The following TBCD variants were observed in gnomAD, a reference collection of about 807,000 sequenced individuals.
TBCD encodes the protein tubulin-specific chaperone D.
A neutral mutation model predicts 169.3 loss-of-function variants in TBCD; 105 were observed. The observed-to-expected ratio is 0.62, with a 90% confidence interval of 0.53 to 0.73. The LOEUF is 0.73. Ranked by LOEUF, TBCD falls within the 30% of genes least tolerant of loss-of-function variation. The pLI is 0.00. For synonymous variants in TBCD, 700 were observed against 643.9 expected (o/e 1.09, Z -1.32); for missense variants, 1,444 against 1,600.1 (o/e 0.90, Z 1.66).
rs1168998995 is a variant in TBCD, at chr17:82,805,892, G to A, written c.968G>A (p.Arg323Gln). The change falls in exon 10 of 39, where the codon CGA becomes CAA. Residue 323 changes from arginine to glutamine, a missense_variant. Transcript: ENST00000355528. ...VAAWRYQRGC[R>Q]SLAANLQLLT... ...TTGCACAGGTACCAGCGTGGCTGCC[G>A]ATCTTTGGCTGCAAATCTGCAGCTC... is the stretch of plus-strand genomic sequence containing the variant. The A allele has an allele frequency of 1.9e-6, 3 of 1,609,296 alleles. No homozygotes were observed. The highest frequency in any genetic ancestry group is 2.2e-5 in the East Asian group (1 of 44,672).
In TBCD at chr17:82,772,443, T is replaced by C. The variant is rs1387630304; in HGVS notation, c.583-9T>C. The C allele has an allele frequency of 6.2e-7, 1 of 1,613,782 alleles. No individual in the cohort carries two copies. The highest frequency in any genetic ancestry group is 8.5e-7 in the Non-Finnish European group (1 of 1,179,852). On this transcript the variant is annotated splice_polypyrimidine_tract_variant and intron_variant, in intron 5 of 38. Coordinates refer to ENST00000355528, the MANE Select transcript of TBCD (RefSeq NM_005993.5). ...AGTGACCGTGTCTGTGCTTCACCCT[T>C]TCTTGCAGTCCTACTTGATTGTCAG...
chr17:82,850,026 G>GGCTGTGCTGCTGTTGGCTGTGCTGT (rs2055555346), intron 13 of TBCD, among the ~76,000 whole-genome samples: 2 of 123,516 alleles, frequency 1.6e-5, no homozygotes, highest in Admixed American at 8.2e-5. Context: ...TGCTGTTGTT[G>GGCTGTGCTGCTGTTGGCTGTGCTGT]GCTGTGCTGT....
At position 82,805,908 on chromosome 17, in the gene TBCD, T is replaced by C. The variant is rs767069659; in HGVS notation, c.984T>C (p.Asn328=). ...YQRGCRSLAA[N]LQLLTQGQSE... ...GTGGCTGCCGATCTTTGGCTGCAAA[T>C]CTGCAGCTCCTCACTCAGGGTCAGA... Residue 328 remains asparagine, a synonymous_variant, in exon 10 of 39, where the codon AAT becomes AAC. Coordinates refer to ENST00000355528, the MANE Select transcript of TBCD (RefSeq NM_005993.5). The C allele has an allele frequency of 6.2e-6, 10 of 1,611,404 alleles. No individual in the cohort carries two copies. In the Admixed American group the frequency reaches 6.7e-5, roughly 11 times the overall value.
chr17:82,899,435 G>A (rs1259628854), intron 17 of TBCD, among the ~76,000 whole-genome samples: 4 of 151,426 alleles, frequency 2.6e-5, no homozygotes, highest in South Asian at 2.1e-4. Context: ...GCTCAGCATC[G>A]TGCGCCTGGG....
intron 13 of TBCD, among the ~76,000 whole-genome samples, chr17:82,817,022 AT>A (rs2051972563): frequency 6.6e-6 from 1 of 152,104 alleles, no homozygotes; most frequent in African/African-American, 2.4e-5. Context: ...TTAAAAAAAT[AT>A]TTTTTTAATT....
At chr17:82,859,419 A>G (rs1477571668) in intron 13 of TBCD, among the ~76,000 whole-genome samples, 1 of 129,058 alleles carries the variant, frequency 7.7e-6, no homozygotes, top group East Asian at 2.6e-4. Flanking sequence ...TCCTCCCCGC[A>G]CTGGCTTTCA....
intron 38 of TBCD, 71 bp downstream of exon 38, chr17:82,941,554 G>C (rs748426528): frequency 5.9e-6 from 8 of 1,366,458 alleles, no homozygotes; most frequent in Non-Finnish European, 8.0e-6. Context: ...GGGGCCAGCG[G>C]CTGTGCTTAG....
intron 2 of TBCD, among the ~76,000 whole-genome samples, chr17:82,757,583 C>T (rs1367273741): frequency 6.6e-6 from 1 of 150,576 alleles, no homozygotes. Flanking sequence ...GATCACGTCA[C>T]TGCACTCCAG....
intron 13 of TBCD, among the ~76,000 whole-genome samples, chr17:82,845,109 G>T (rs573183719): frequency 2.6e-5 from 4 of 152,168 alleles, no homozygotes; most frequent in African/African-American, 9.7e-5. Context: ...AGGTGCTGGC[G>T]CCGCGGCCTC....
At chr17:82,795,474 G>A in intron 7 of TBCD, 1 of 955,544 alleles carries the variant, frequency 1.0e-6, no homozygotes, top group Non-Finnish European at 1.2e-6. Flanking sequence ...GGGTTTTCCA[G>A]CAGCCTCTGT....
intron 14 of TBCD, among the ~76,000 whole-genome samples, chr17:82,871,654 TGGGCG>T (rs1175310406): frequency 9.2e-5 from 14 of 152,346 alleles, no homozygotes; most frequent in African/African-American, 3.1e-4. Context: ...CCTTTTGGTC[TGGGCG>T]GGGCGGGGCG....
chr17:82,933,154 C>A (rs1226764854), intron 34 of TBCD, among the ~76,000 whole-genome samples: 1 of 152,134 alleles, frequency 6.6e-6, no homozygotes, highest in Non-Finnish European at 1.5e-5. Context: ...ATTGGAGCTC[C>A]TTGCTTCTGC....
At chr17:82,869,555 G>A (rs912871908) in intron 13 of TBCD, among the ~76,000 whole-genome samples, 1 of 152,240 alleles carries the variant, frequency 6.6e-6, no homozygotes, top group African/African-American at 2.4e-5. Flanking sequence ...ACACTTGTGT[G>A]ATGTCAGATT....
intron 21 of TBCD, among the ~76,000 whole-genome samples, chr17:82,908,638 G>A (rs528425298): frequency 1.3e-5 from 2 of 152,320 alleles, no homozygotes; most frequent in African/African-American, 2.4e-5. Context: ...CACTTTTAAT[G>A]TGGTGTCTGG....
chr17:82,838,779 A>C (rs2054201281), intron 13 of TBCD: 1 of 985,318 alleles, frequency 1.0e-6, no homozygotes, highest in South Asian at 4.7e-5. Flanking sequence ...CCAGAAAAAC[A>C]ACCAGGGGCT....
chr17:82,809,709 A>G lies in TBCD; in HGVS notation c.1150A>G (p.Ile384Val). 1 of 1,612,760 alleles carries G rather than the reference A, an allele frequency of 6.2e-7. No homozygotes were observed. The highest frequency in any genetic ancestry group is 2.2e-5 in the East Asian group (1 of 44,806). ...CGGATTGCTGCGTTTCTCTTTCAGC[A>G]TCGGTAGGATGGCTGGCAGGCTTCC... ...TVVRWSAAKG[I>V]GRMAGRLPRA... is the part of the protein sequence containing the mutation. The change falls in exon 12 of 39, where the codon ATC (isoleucine) becomes GTC (valine). Residue 384 changes from isoleucine to valine, a missense_variant and splice_region_variant. Transcript: ENST00000355528.
chr17:82,822,654 G>C (rs921995822), intron 13 of TBCD, among the ~76,000 whole-genome samples: 9 of 152,182 alleles, frequency 5.9e-5, no homozygotes, highest in Non-Finnish European at 2.9e-5. Context: ...GGAAGAGCGA[G>C]GGAGAGTGAG....
intron 13 of TBCD, among the ~76,000 whole-genome samples, chr17:82,846,372 CATGTGCCGTGTCCT>C (rs2055117104): frequency 1.6e-5 from 2 of 124,732 alleles, no homozygotes; most frequent in East Asian, 2.6e-4. Context: ...CGCTGTGTCC[CATGTGCCGTGTCCT>C]CTCGTCCAGC....
chr17:82,765,595 G>T (rs1277720334), intron 3 of TBCD, among the ~76,000 whole-genome samples: 1 of 152,162 alleles, frequency 6.6e-6, no homozygotes, highest in Non-Finnish European at 1.5e-5. Flanking sequence ...CACTGCGGGT[G>T]AGCTGCCAAG....
Sources: allele counts gnomAD v4.1 joint callset (sites outside exome capture counted in the v4.1 genomes callset), GRCh38; gene constraint gnomAD v4.1.1; transcripts MANE v1.5; gene names NCBI Gene and HGNC (gene_info 2026-07-23, HGNC 2026-07-21).